Variants in PSTPIP1 observed in about 807,000 individuals in gnomAD.
PSTPIP1 encodes the protein proline-serine-threonine phosphatase-interacting protein 1.
Under a neutral mutation model 69.6 loss-of-function variants are expected in PSTPIP1, and 66 were observed. The ratio of observed to expected loss-of-function variants is 0.95; its 90% CI spans 0.78 to 1.16. The LOEUF is 1.16. PSTPIP1 is among the 50% of genes most tolerant of loss of function. The probability of loss-of-function intolerance (pLI) is 0.00; values close to 1 mark genes in which losing one functional copy is unlikely to be tolerated. For synonymous variants in PSTPIP1, 266 were observed against 222.7 expected (o/e 1.19, Z -1.73); for missense variants, 603 against 557.4 (o/e 1.08, Z -0.82).
At chr15:77,029,675 G>C in intron 8 of PSTPIP1, 101 bp downstream of exon 8, 2 of 1,329,504 alleles carry the variant, frequency 1.5e-6, no homozygotes, top group South Asian at 2.7e-5. Flanking sequence ...CCCCCTGGCT[G>C]CACAATCATG....
chr15:77,021,418 G>A (rs573811462), intron 3 of PSTPIP1, among the ~76,000 whole-genome samples: 2 of 152,310 alleles, frequency 1.3e-5, no homozygotes, highest in Admixed American at 6.5e-5. Flanking sequence ...AGGGCCAGGC[G>A]CCGTGCCTCA....
In PSTPIP1 at chr15:76,995,196, C is replaced by T. The variant is rs1568476210; in HGVS notation, c.-378C>T. On this transcript the variant is annotated 5_prime_UTR_variant, in exon 1 of 15. Coordinates refer to ENST00000558012, the MANE Select transcript of PSTPIP1 (RefSeq NM_003978.5). ...TGGCCCGGCCCGAGCTCCAGCCTGC[C>T]TCTTCCACTGGCCACTGCCTCCCAC... is the stretch of plus-strand genomic sequence containing the variant. 1.7e-6 allele frequency: 2 copies of T among 1,202,378 alleles called. No homozygotes were observed. The highest frequency in any genetic ancestry group is 3.1e-5 in the African/African-American group (2 of 63,568). 74.5% of individuals were successfully genotyped at this position (1,202,378 alleles called of 1,614,324 possible). A position where few individuals can be genotyped will look rare whatever the true frequency, so the allele number is the denominator to read the frequency against.
intron 5 of PSTPIP1, 126 bp downstream of exon 5, chr15:77,025,730 A>C: frequency 1.3e-6 from 1 of 784,422 alleles, no homozygotes; most frequent in South Asian, 1.7e-5. Flanking sequence ...GTGGGACAGC[A>C]CTCCAGGCTT....
chr15:77,013,474 T>C (rs1333912901), intron 1 of PSTPIP1, among the ~76,000 whole-genome samples: 1 of 152,138 alleles, frequency 6.6e-6, no homozygotes. Flanking sequence ...GGTACTGTTG[T>C]AACTGGTGAC....
At chr15:77,026,540 C>T (rs115864145) in intron 5 of PSTPIP1, among the ~76,000 whole-genome samples, 4,282 of 152,376 alleles carry the variant, frequency 0.028, 154 homozygotes, top group African/African-American at 0.085. Context: ...TTCCCTCTCA[C>T]AGGATGGGAC....
intron 11 of PSTPIP1, chr15:77,032,651 C>A: frequency 1.6e-6 from 1 of 618,866 alleles, no homozygotes; most frequent in Non-Finnish European, 2.9e-6. Context: ...GCCCCCACTC[C>A]CCGCCTGTTT....
chr15:77,020,249 T>C (rs2076134119), intron 3 of PSTPIP1, among the ~76,000 whole-genome samples: 1 of 152,104 alleles, frequency 6.6e-6, no homozygotes, highest in Non-Finnish European at 1.5e-5. Context: ...GATTGCGCCA[T>C]GGTTATTCAA....
At chr15:77,028,053 C>T in intron 6 of PSTPIP1, 139 bp downstream of exon 6, 2 of 823,432 alleles carry the variant, frequency 2.4e-6, no homozygotes, top group Non-Finnish European at 3.9e-6. Flanking sequence ...CGGCCTTGGG[C>T]GCACCAGCCT....
Position 77,032,893 on chromosome 15 carries a change from G to T in PSTPIP1, c.870G>T (p.Arg290=), listed in dbSNP as rs767839065. ...APVPYQNYYD[R]EVTPLTSSPG... is the part of the protein sequence containing the mutation. ...TGCCCTACCAGAACTATTACGATCGGGAGGTCACCCCGCTGACCAGCAGCC... is the reference window on the plus strand; with the variant it reads ...TGCCCTACCAGAACTATTACGATCGTGAGGTCACCCCGCTGACCAGCAGCC... The change falls in exon 12 of 15, where the codon CGG becomes CGT. Residue 290 remains arginine (R), a synonymous_variant. Coordinates refer to ENST00000558012, the MANE Select transcript of PSTPIP1 (RefSeq NM_003978.5). The T allele has an allele frequency of 1.2e-6, 2 of 1,603,112 alleles. No individual in the cohort carries two copies. Among genetic ancestry groups the T allele is most frequent in the Non-Finnish European group, 1.7e-6 (2 of 1,175,432 alleles).
rs2076100100 is a variant in PSTPIP1, at chr15:77,018,620, G to A, written c.212+89G>A. The A allele has an allele frequency of 4.4e-6, 6 of 1,348,808 alleles. No homozygotes were observed. In the Admixed American group the frequency reaches 1.6e-4, roughly 36 times the overall value. The allele number at this position is 1,348,808 out of a possible 1,614,324, so 83.6% of individuals were successfully genotyped here. A position where few individuals can be genotyped will look rare whatever the true frequency, so the allele number is the denominator to read the frequency against. On this transcript the variant is annotated intron_variant, in intron 3 of 14. Coordinates refer to ENST00000558012, the MANE Select transcript of PSTPIP1 (RefSeq NM_003978.5). ...TGAGGTTTAGGTCTTCCTGGCATGG[G>A]GGAGGCTGGGCAGAACCAGGGTAGG... is the stretch of plus-strand genomic sequence containing the variant.
In PSTPIP1 at chr15:77,037,291, G is replaced by GACGACAGGCTC; in HGVS notation, c.*115_*116insACGACAGGCTC. 7.3e-7 allele frequency: 1 copy of GACGACAGGCTC among 1,365,882 alleles called. No individual in the cohort carries two copies. The highest frequency in any genetic ancestry group is 9.8e-7 in the Non-Finnish European group (1 of 1,015,610). 84.6% of individuals were successfully genotyped at this position (1,365,882 alleles called of 1,614,324 possible). On this transcript the variant is annotated 3_prime_UTR_variant, in exon 15 of 15. Transcript: ENST00000558012. ...AAGCGTCCCCCAGCCCCGAGAGGGA[G>GACGACAGGCTC]CCTGTCGTCTCCCAGGGAATAAAGG...
intron 1 of PSTPIP1, among the ~76,000 whole-genome samples, chr15:77,015,393 C>T (rs2076028144): frequency 6.6e-6 from 1 of 152,074 alleles, no homozygotes; most frequent in Admixed American, 6.5e-5. Flanking sequence ...CTCCCGAGAT[C>T]TGTGTTGTGG....
chr15:77,029,690 C>T lies in PSTPIP1; in HGVS notation c.562+116C>T, dbSNP rs117745032. 0.054 allele frequency: 63,504 copies of T among 1,174,232 alleles called. 2,006 individuals carry two copies. Among genetic ancestry groups the T allele is most frequent in the Middle Eastern group, 0.11 (395 of 3,686 alleles). 72.7% of individuals were successfully genotyped at this position (1,174,232 alleles called of 1,614,324 possible). ...CCCCCTGGCTGCACAATCATGGGCG[C>T]GGCGCTCTCATTCCAGATATGTGCC... On this transcript the variant is annotated intron_variant, in intron 8 of 14. Transcript: ENST00000558012.
At chr15:77,002,427 C>A (rs745721337) in intron 1 of PSTPIP1, among the ~76,000 whole-genome samples, 14 of 152,212 alleles carry the variant, frequency 9.2e-5, no homozygotes, top group Admixed American at 3.3e-4. Context: ...ATACAGAGTA[C>A]CTTTGTCATT....
At chr15:77,014,336 G>A (rs918713713) in intron 1 of PSTPIP1, among the ~76,000 whole-genome samples, 9 of 152,176 alleles carry the variant, frequency 5.9e-5, no homozygotes, top group Admixed American at 2.0e-4. Context: ...TCTAGGCGGT[G>A]AGAACTATTA....
At chr15:77,034,117 C>T (rs1343959470) in intron 12 of PSTPIP1, among the ~76,000 whole-genome samples, 1 of 152,038 alleles carries the variant, frequency 6.6e-6, no homozygotes, top group East Asian at 1.9e-4. Context: ...CTGGATGGGG[C>T]ATCTAGAAGC....
At chr15:77,026,366 G>A (rs2076282126) in intron 5 of PSTPIP1, among the ~76,000 whole-genome samples, 1 of 152,204 alleles carries the variant, frequency 6.6e-6, no homozygotes, top group Non-Finnish European at 1.5e-5. Flanking sequence ...GCAGCACACA[G>A]ATCCGCTTCT....
chr15:77,012,112 GCCATCCATCCATCCAT>G (rs566088503), intron 1 of PSTPIP1, among the ~76,000 whole-genome samples: 1,141 of 88,530 alleles, frequency 0.013, 9 homozygotes, highest in Non-Finnish European at 0.018. Flanking sequence ...GAGGGCTCTG[GCCATCCATCCATCCAT>G]CCATCCATCC....
In PSTPIP1 at chr15:77,007,429, A is replaced by T. The variant is rs1459242630; in HGVS notation, c.37-10719A>T. Among the ~76,000 whole-genome samples, 10 of 152,212 alleles carry T rather than the reference A, an allele frequency of 6.6e-5. No homozygotes were observed. The South Asian group carries it at 1.7e-3, about 25-fold the overall frequency. On this transcript the variant is annotated intron_variant, in intron 1 of 14. Transcript: ENST00000558012. ...TCAAGACTAGCCTAGGAAGCATGGC[A>T]AAACCCAATCTCTACAAAAAATACA... is the stretch of plus-strand genomic sequence containing the variant.
Sources: gnomAD v4.1 joint callset for allele counts (sites outside exome capture counted in the v4.1 genomes callset) on GRCh38, gnomAD v4.1.1 for gene constraint, MANE v1.5 for transcripts, NCBI Gene and HGNC (gene_info 2026-07-23, HGNC 2026-07-21) for gene names.